Variants in PHF24 observed in about 807,000 individuals in gnomAD.
PHF24 encodes the protein PHD finger protein 24, also known as Galpha inhibitory interacting protein.
A neutral mutation model predicts 42.6 loss-of-function variants in PHF24; 25 were observed. The ratio of observed to expected loss-of-function variants is 0.59; its 90% CI spans 0.43 to 0.82. The LOEUF (loss-of-function observed/expected upper bound fraction) is 0.82. Ranked by LOEUF, PHF24 falls within the 40% of genes least tolerant of loss-of-function variation. The pLI is 0.00. For synonymous variants in PHF24, 185 were observed against 204.8 expected, an observed-to-expected ratio of 0.90 and a Z score of 0.83; for missense variants, 470 against 538.1, an observed-to-expected ratio of 0.87 and a Z score of 1.25.
At chr9:34,744,853 C>G in the PHF24 span, among the ~76,000 whole-genome samples, 6 of 151,998 alleles carry the variant, frequency 3.9e-5, no homozygotes, top group African/African-American at 4.8e-5. Context: ...GGAGATATCA[C>G]CTGTCATGAC....
the PHF24 span, among the ~76,000 whole-genome samples, chr9:34,800,770 T>C: frequency 6.6e-6 from 1 of 152,190 alleles, no homozygotes. Context: ...AAAGGCTTCA[T>C]GACTAAAACA....
exon 3 of PHF24, chr9:34,972,475 G>A (rs1454718196): frequency 3.1e-6 from 5 of 1,613,886 alleles, no homozygotes; most frequent in Non-Finnish European, 3.4e-6. Flanking sequence ...AGGAGACAGT[G>A]CAGCGGAGGT....
chr9:34,739,734 A>G, the PHF24 span, among the ~76,000 whole-genome samples: 1 of 152,146 alleles, frequency 6.6e-6, no homozygotes, highest in Non-Finnish European at 1.5e-5. Flanking sequence ...GTTATTGCAA[A>G]GAGCGAAAGA....
rs754208132 is a variant in PHF24, at chr9:34,972,449, G to A, written c.482G>A (p.Arg161His). The change falls in exon 3 of 8, where the codon CGC becomes CAC. Residue 161 changes from arginine (R) to histidine (H), a missense_variant. By Grantham distance (29) the Arg-to-His change is conservative. Coordinates refer to ENST00000242315, the Ensembl canonical transcript of PHF24. ...GTTTTCCATGATGGCTGCCTGCGCC[G>A]CATGGGCTACATCCAAGGAGACAGT... The A allele has an allele frequency of 3.1e-5, 50 of 1,613,970 alleles. No individual in the cohort carries two copies. Among genetic ancestry groups the A allele is most frequent in the Admixed American group, 2.2e-4 (13 of 60,002 alleles).
At chr9:34,817,602 A>T in the PHF24 span, among the ~76,000 whole-genome samples, 1 of 152,052 alleles carries the variant, frequency 6.6e-6, no homozygotes, top group Non-Finnish European at 1.5e-5. Context: ...TATATTCTGA[A>T]TACAAGTTCT....
chr9:34,879,992 A>G, the PHF24 span, among the ~76,000 whole-genome samples: 2 of 152,254 alleles, frequency 1.3e-5, no homozygotes, highest in Non-Finnish European at 2.9e-5. Context: ...TCAGACTAAC[A>G]GCAGATATCT....
At chr9:34,792,480 G>A in the PHF24 span, among the ~76,000 whole-genome samples, 1 of 152,174 alleles carries the variant, frequency 6.6e-6, no homozygotes, top group Non-Finnish European at 1.5e-5. Context: ...AGACCAGCCT[G>A]ACCAACATGG....
intron 1 of PHF24, among the ~76,000 whole-genome samples, chr9:34,960,926 G>A (rs1005465665): frequency 3.3e-5 from 5 of 152,114 alleles, no homozygotes; most frequent in African/African-American, 1.2e-4. Flanking sequence ...GGGAGAGAAC[G>A]GCTCACCCAG....
chr9:34,768,334 C>T, the PHF24 span, among the ~76,000 whole-genome samples: 1 of 152,214 alleles, frequency 6.6e-6, no homozygotes, highest in Admixed American at 6.5e-5. Context: ...TCAGCAAGAC[C>T]AGAGTCCTTC....
the PHF24 span, among the ~76,000 whole-genome samples, chr9:34,910,112 T>C: frequency 1.2e-4 from 19 of 152,216 alleles, no homozygotes; most frequent in Non-Finnish European, 2.4e-4. Flanking sequence ...CCATAATAAC[T>C]CTCTGTTGTA....
At chr9:34,822,293 C>G in the PHF24 span, among the ~76,000 whole-genome samples, 91,692 of 151,962 alleles carry the variant, frequency 0.6, 27,992 homozygotes, top group Middle Eastern at 0.64. Flanking sequence ...GCCTGAAGGA[C>G]TTTCTATAAA....
At chr9:34,667,230 G>A in the PHF24 span, among the ~76,000 whole-genome samples, 10 of 152,280 alleles carry the variant, frequency 6.6e-5, no homozygotes, top group East Asian at 9.7e-4. Context: ...TGACTGTATA[G>A]GAGGGAGTGA....
chr9:34,949,716 G>A, the PHF24 span, among the ~76,000 whole-genome samples: 1 of 152,124 alleles, frequency 6.6e-6, no homozygotes, highest in Non-Finnish European at 1.5e-5. Context: ...GGATGAAGCT[G>A]GAAACCATCA....
the PHF24 span, among the ~76,000 whole-genome samples, chr9:34,823,685 A>T: frequency 6.6e-6 from 1 of 152,106 alleles, no homozygotes; most frequent in Non-Finnish European, 1.5e-5. Context: ...ACCTGGCTGG[A>T]TGAAAAACTA....
At chr9:34,760,991 C>CA in the PHF24 span, among the ~76,000 whole-genome samples, 55,666 of 138,876 alleles carry the variant, frequency 0.4, 12,241 homozygotes, top group East Asian at 0.6. Flanking sequence ...AACTCCGTGT[C>CA]AAAAAAAAAA....
At chr9:34,922,882 C>T in the PHF24 span, 25 of 1,570,256 alleles carry the variant, frequency 1.6e-5, no homozygotes, top group East Asian at 2.7e-4. Context: ...TCAGCCTGCT[C>T]GGCCAGTTTG....
chr9:34,691,176 G>T, the PHF24 span: 1 of 1,603,946 alleles, frequency 6.2e-7, no homozygotes, highest in Non-Finnish European at 8.5e-7. Flanking sequence ...GTGAATGTGT[G>T]AGCGCCAGCT....
chr9:34,977,947 G>GC, intron 7 of PHF24, 68 bp from the exon 8 acceptor site: 1 of 1,224,262 alleles, frequency 8.2e-7, no homozygotes. Flanking sequence ...AAGCCATGCT[G>GC]CCCCTGGGAT....
At chr9:34,880,416 T>C in the PHF24 span, among the ~76,000 whole-genome samples, 2,830 of 152,250 alleles carry the variant, frequency 0.019, 105 homozygotes, top group African/African-American at 0.065. Flanking sequence ...ACTGGCAAAT[T>C]GGATAAAGAA....
Sources: allele counts gnomAD v4.1 joint callset (sites outside exome capture counted in the v4.1 genomes callset), GRCh38; gene constraint gnomAD v4.1.1; transcripts MANE v1.5; gene names NCBI Gene and HGNC (gene_info 2026-07-23, HGNC 2026-07-21).